PDCL2: variants seen among roughly 807,000 people sequenced by gnomAD.
PDCL2 encodes phosducin-like protein 2.
In PDCL2, 23 loss-of-function variants were observed where a neutral mutation model predicts 30.3. That is an observed-to-expected ratio of 0.76 (90% CI 0.55 to 1.08). PDCL2 has a LOEUF of 1.08. Among genes scored for constraint, PDCL2 ranks in the 50% least tolerant of loss-of-function variants. PDCL2 has a pLI of 0.00. For missense variants in PDCL2, 243 were observed against 282.3 expected (o/e 0.86, Z 1.00); for synonymous variants, 68 against 86.2 (o/e 0.79, Z 1.17).
chr4:55,592,157 G>T lies in PDCL2; in HGVS notation c.-48C>A. 1 of 1,602,082 alleles carries T rather than the reference G, an allele frequency of 6.2e-7. No individual in the cohort carries two copies. Among genetic ancestry groups the T allele is most frequent in the East Asian group, 2.3e-5 (1 of 44,078 alleles). ...GAGCCCGCGTCGTCCTGCAGCTGGC[G>T]AGGCGCCACGGATGGAGACCCGCAG... On this transcript the variant is annotated 5_prime_UTR_variant, in exon 1 of 6. Coordinates refer to ENST00000295645, the MANE Select transcript of PDCL2 (RefSeq NM_152401.3).
At chr4:55,584,407 C>T (rs868403914) in intron 1 of PDCL2, among the ~76,000 whole-genome samples, 7 of 152,092 alleles carry the variant, frequency 4.6e-5, no homozygotes, top group South Asian at 4.1e-4. Context: ...CAGGTGCCTA[C>T]CACCTCGCCC....
intron 1 of PDCL2, among the ~76,000 whole-genome samples, chr4:55,585,144 A>G (rs1221149621): frequency 6.6e-6 from 1 of 152,178 alleles, no homozygotes; most frequent in Non-Finnish European, 1.5e-5. Flanking sequence ...GGATTTTTAC[A>G]TCTGTGTTCC....
intron 5 of PDCL2, among the ~76,000 whole-genome samples, chr4:55,562,170 T>C (rs887585552): frequency 2.6e-5 from 4 of 152,102 alleles, no homozygotes; most frequent in African/African-American, 9.7e-5. Context: ...TGGGTGGAGA[T>C]TCTAAAGGAG....
chr4:55,556,997 C>T (rs1320126450), intron 5 of PDCL2, among the ~76,000 whole-genome samples: 7 of 152,068 alleles, frequency 4.6e-5, no homozygotes, highest in African/African-American at 1.4e-4. Flanking sequence ...CCACACCCAG[C>T]TAAGTTTTGT....
chr4:55,583,710 C>T (rs1732786851), intron 1 of PDCL2, among the ~76,000 whole-genome samples: 1 of 152,134 alleles, frequency 6.6e-6, no homozygotes. Flanking sequence ...TCCCCTTTGT[C>T]AAAAATCAAT....
At position 55,580,894 on chromosome 4, in the gene PDCL2, T is replaced by C. The variant is rs1732690303; in HGVS notation, c.145A>G (p.Met49Val). 1.2e-6 allele frequency: 2 copies of C among 1,601,180 alleles called. No homozygotes were observed. Among genetic ancestry groups the C allele is most frequent in the African/African-American group, 1.3e-5 (1 of 74,264 alleles). ...GCTTCCTTTAGCTGTGCAAGAGTCA[T>C]CTTTTCAAATGGTTTCACTAAAACA... ...KEAMVKPFEK[M>V]TLAQLKEAED... The change falls in exon 3 of 6, where the codon ATG (methionine) becomes GTG (valine). Residue 49 changes from methionine (M) to valine (V), a missense_variant. Met to Val is a conservative substitution (Grantham distance 21, BLOSUM62 1). Coordinates refer to ENST00000295645, the MANE Select transcript of PDCL2 (RefSeq NM_152401.3).
At position 55,569,721 on chromosome 4, in the gene PDCL2, G is replaced by C; in HGVS notation, c.359C>G (p.Ser120Ter). Residue 120 changes from serine (S) to a stop codon, truncating the protein, a stop_gained, in exon 4 of 6, where the codon TCA (serine) becomes TGA (stop). Transcript: ENST00000295645. LOFTEE classifies it high-confidence loss of function. Reference protein sequence around the residue: ...DVWVIIHLYRSSIPMCLLVNQ... With the variant: ...DVWVIIHLYR The stretch of plus-strand genomic sequence containing the variant: ...TTTGAAATATTATGGTAATTACCTT[G>C]ATCTGTATAGATGAATTATAACCCA... 1 of 1,531,352 alleles carries C rather than the reference G, an allele frequency of 6.5e-7. No individual in the cohort carries two copies. The highest frequency in any genetic ancestry group is 8.8e-7 in the Non-Finnish European group (1 of 1,138,592). The allele number at this position is 1,531,352 out of a possible 1,614,324, so 94.9% of individuals were successfully genotyped here. A position where few individuals can be genotyped will look rare whatever the true frequency, so the allele number is the denominator to read the frequency against.
At chr4:55,577,304 G>A (rs1042375978) in intron 3 of PDCL2, among the ~76,000 whole-genome samples, 2 of 152,194 alleles carry the variant, frequency 1.3e-5, no homozygotes, top group Admixed American at 1.3e-4. Context: ...ATTGGGAGGG[G>A]ATTAGGTTTC....
intron 1 of PDCL2, among the ~76,000 whole-genome samples, chr4:55,582,738 T>C (rs986579758): frequency 6.6e-6 from 1 of 151,842 alleles, no homozygotes; most frequent in African/African-American, 2.4e-5. Flanking sequence ...GTATATCTCC[T>C]AATGCTATCC....
At chr4:55,583,544 A>T (rs1212971742) in intron 1 of PDCL2, among the ~76,000 whole-genome samples, 1 of 152,100 alleles carries the variant, frequency 6.6e-6, no homozygotes, top group African/African-American at 2.4e-5. Context: ...TATTTTCACA[A>T]TTTCAGGTCT....
intron 5 of PDCL2, among the ~76,000 whole-genome samples, chr4:55,560,103 A>T (rs1732085979): frequency 6.6e-6 from 1 of 151,660 alleles, no homozygotes. Flanking sequence ...AAAAATAGTT[A>T]AGATGGTAAA....
intron 5 of PDCL2, among the ~76,000 whole-genome samples, chr4:55,557,041 T>C (rs1311189062): frequency 6.6e-6 from 1 of 152,176 alleles, no homozygotes; most frequent in African/African-American, 2.4e-5. Context: ...TTTCACCATG[T>C]TGGCCAGGCT....
intron 3 of PDCL2, among the ~76,000 whole-genome samples, chr4:55,575,490 A>G (rs2042259459): frequency 6.6e-6 from 1 of 152,240 alleles, no homozygotes; most frequent in East Asian, 1.9e-4. Flanking sequence ...AGAAGCATAA[A>G]GGATATTTTA....
At chr4:55,562,775 T>TA (rs755570338) in intron 4 of PDCL2, among the ~76,000 whole-genome samples, 163 bp from the exon 5 acceptor site, 1 of 152,174 alleles carries the variant, frequency 6.6e-6, no homozygotes, top group Non-Finnish European at 1.5e-5. Flanking sequence ...GAACTGTATG[T>TA]AGAGTCCTCT....
intron 5 of PDCL2, among the ~76,000 whole-genome samples, chr4:55,559,836 A>T (rs1732077806): frequency 6.6e-6 from 1 of 152,234 alleles, no homozygotes; most frequent in Non-Finnish European, 1.5e-5. Context: ...CACATGGATG[A>T]AACTTGAGGA....
At chr4:55,576,895 T>C (rs978008269) in intron 3 of PDCL2, among the ~76,000 whole-genome samples, 1 of 140,220 alleles carries the variant, frequency 7.1e-6, no homozygotes, top group Non-Finnish European at 1.5e-5. Flanking sequence ...GTTCCAGATT[T>C]CTCAGTCCTT....
intron 1 of PDCL2, among the ~76,000 whole-genome samples, chr4:55,587,569 T>A (rs936680621): frequency 2.0e-5 from 3 of 152,048 alleles, no homozygotes; most frequent in African/African-American, 7.2e-5. Context: ...TTTAAATTTT[T>A]TTTTTTTGAG....
chr4:55,571,700 AT>A (rs67487510), intron 3 of PDCL2, among the ~76,000 whole-genome samples: 4 of 138,534 alleles, frequency 2.9e-5, no homozygotes, highest in African/African-American at 8.3e-5. Flanking sequence ...AAAAAAAAAA[AT>A]TTTTGACCTT....
rs1357092500 is a variant in PDCL2 at position 55,592,123 on chromosome 4, G to A, written c.-14C>T. On this transcript the variant is annotated 5_prime_UTR_variant, in exon 1 of 6. Transcript: ENST00000295645. ...CCTCACCTGCATGATGCGCTGCTCT[G>A]CCCCTCAAGAGCCCGCGTCGTCCTG... The A allele has an allele frequency of 1.9e-6, 3 of 1,609,396 alleles. No individual in the cohort carries two copies. The highest frequency in any genetic ancestry group is 2.5e-6 in the Non-Finnish European group (3 of 1,178,482).
Sources: allele counts gnomAD v4.1 joint callset (sites outside exome capture counted in the v4.1 genomes callset), GRCh38; gene constraint gnomAD v4.1.1; transcripts MANE v1.5; gene names NCBI Gene and HGNC (gene_info 2026-07-23, HGNC 2026-07-21).